Variants in DOCK1 observed in about 807,000 individuals in gnomAD.
DOCK1 encodes the protein dedicator of cytokinesis protein 1.
In DOCK1, 138 loss-of-function variants were observed where a neutral mutation model predicts 262.7. That is an observed-to-expected ratio of 0.53 (90% CI 0.46 to 0.61). The LOEUF (loss-of-function observed/expected upper bound fraction) is 0.61. DOCK1 is among the 20% of genes least tolerant of loss of function. DOCK1 has a pLI of 0.00. For missense variants in DOCK1, 1,908 were observed against 2,370.7 expected (o/e 0.80, Z 4.05); for synonymous variants, 866 against 867.4 (o/e 1.00, Z 0.03).
intron 42 of DOCK1, 37 bp downstream of exon 42, chr10:127,409,428 G>A: frequency 6.2e-7 from 1 of 1,601,146 alleles, no homozygotes; most frequent in Non-Finnish European, 8.6e-7. Context: ...CGTGAGGGTT[G>A]TAAGAGGCTG....
At chr10:127,070,925 G>T (rs1435166185) in intron 23 of DOCK1, among the ~76,000 whole-genome samples, 2 of 152,012 alleles carry the variant, frequency 1.3e-5, no homozygotes, top group Admixed American at 6.6e-5. Context: ...GTGTTTGTGG[G>T]TAGGGCACCT....
chr10:127,024,027 G>C (rs1457029417), intron 14 of DOCK1, among the ~76,000 whole-genome samples: 2 of 152,132 alleles, frequency 1.3e-5, no homozygotes, highest in Non-Finnish European at 2.9e-5. Flanking sequence ...CAGCCTGCAG[G>C]GTCCACCTGG....
At chr10:127,448,482 A>G (rs2070736948) in intron 51 of DOCK1, among the ~76,000 whole-genome samples, 1 of 152,184 alleles carries the variant, frequency 6.6e-6, no homozygotes, top group Non-Finnish European at 1.5e-5. Flanking sequence ...TGCGGGTCCC[A>G]GCCCCATCCT....
At chr10:127,403,194 G>A (rs1266048504) in intron 39 of DOCK1, 50 bp downstream of exon 39, 8 of 1,529,924 alleles carry the variant, frequency 5.2e-6, no homozygotes, top group African/African-American at 1.4e-5. Flanking sequence ...ATCTCAGCTG[G>A]TTTTTCAGGA....
chr10:127,283,837 G>A (rs1470551616), intron 29 of DOCK1, among the ~76,000 whole-genome samples: 1 of 152,194 alleles, frequency 6.6e-6, no homozygotes, highest in East Asian at 1.9e-4. Context: ...TAACATTGTA[G>A]TGAGTGTCTT....
intron 27 of DOCK1, among the ~76,000 whole-genome samples, chr10:127,165,574 G>A (rs780057136): frequency 4.1e-4 from 62 of 152,070 alleles, no homozygotes; most frequent in Non-Finnish European, 7.5e-4. Context: ...CTATCTTTAA[G>A]GTTTATTTTT....
At chr10:127,050,776 C>G (rs4750901) in intron 21 of DOCK1, among the ~76,000 whole-genome samples, 95,401 of 151,608 alleles carry the variant, frequency 0.63, 30,555 homozygotes, top group South Asian at 0.72. Context: ...TTTGTCTGTA[C>G]TAGGCAGAAA....
At chr10:127,429,215 G>A (rs1591024042) in intron 47 of DOCK1, among the ~76,000 whole-genome samples, 2 of 152,068 alleles carry the variant, frequency 1.3e-5, no homozygotes, top group South Asian at 2.1e-4. Flanking sequence ...CCCGTCTAGG[G>A]GGTGGGAGGC....
chr10:127,039,021 G>A (rs148589421), intron 19 of DOCK1, among the ~76,000 whole-genome samples: 1 of 152,138 alleles, frequency 6.6e-6, no homozygotes, highest in Non-Finnish European at 1.5e-5. Flanking sequence ...TCTAGGAGAG[G>A]TGATTGCAGA....
intron 18 of DOCK1, among the ~76,000 whole-genome samples, chr10:127,035,586 T>G (rs558636720): frequency 1.3e-4 from 20 of 152,272 alleles, no homozygotes; most frequent in African/African-American, 4.8e-4. Context: ...ATGAAGGGGA[T>G]CCAGATTATT....
At chr10:126,984,192 T>G (rs916648325) in intron 4 of DOCK1, among the ~76,000 whole-genome samples, 18 of 152,254 alleles carry the variant, frequency 1.2e-4, no homozygotes, top group African/African-American at 4.3e-4. Flanking sequence ...TGGGTGATGC[T>G]CACATCGGGA....
At chr10:127,294,554 T>G (rs1049293875) in intron 29 of DOCK1, among the ~76,000 whole-genome samples, 2 of 152,214 alleles carry the variant, frequency 1.3e-5, no homozygotes, top group Middle Eastern at 3.4e-3. Context: ...ACTCCTGACC[T>G]CAGGTGATCC....
intron 32 of DOCK1, among the ~76,000 whole-genome samples, chr10:127,355,766 T>G (rs960139902): frequency 3.9e-5 from 6 of 152,230 alleles, no homozygotes; most frequent in Non-Finnish European, 7.3e-5. Context: ...GCCTGCTTAC[T>G]TCCCAAGCAG....
intron 29 of DOCK1, among the ~76,000 whole-genome samples, chr10:127,302,729 T>C (rs1396044489): frequency 5.4e-5 from 8 of 148,366 alleles, no homozygotes; most frequent in African/African-American, 2.0e-4. Context: ...TTCCTAACTC[T>C]GGAAAAGAGG....
At chr10:127,045,355 G>A (rs879917607) in intron 21 of DOCK1, among the ~76,000 whole-genome samples, 11 of 152,188 alleles carry the variant, frequency 7.2e-5, no homozygotes, top group African/African-American at 2.7e-4. Flanking sequence ...TTGCATGTCT[G>A]CACCTTGAAA....
chr10:127,285,525 T>C (rs2061118462), intron 29 of DOCK1, among the ~76,000 whole-genome samples: 1 of 152,222 alleles, frequency 6.6e-6, no homozygotes, highest in Admixed American at 6.5e-5. Context: ...GGGCTGATAC[T>C]TCACAGGCTG....
chr10:126,928,377 G>A (rs1018461231), intron 1 of DOCK1, among the ~76,000 whole-genome samples: 4 of 152,192 alleles, frequency 2.6e-5, no homozygotes, highest in South Asian at 2.1e-4. Flanking sequence ...AGCCTGACTC[G>A]TAAACTTGCT....
chr10:127,164,960 T>G (rs1243168604), intron 27 of DOCK1, among the ~76,000 whole-genome samples: 2 of 152,248 alleles, frequency 1.3e-5, no homozygotes, highest in African/African-American at 2.4e-5. Context: ...GTTGATTAAC[T>G]TATTTTCCTG....
chr10:127,118,677 A>T (rs2049339470), intron 25 of DOCK1, among the ~76,000 whole-genome samples: 1 of 152,096 alleles, frequency 6.6e-6, no homozygotes, highest in Non-Finnish European at 1.5e-5. Flanking sequence ...GATACTGAAT[A>T]CCTCAAGAGT....
Sources: allele counts gnomAD v4.1 joint callset (sites outside exome capture counted in the v4.1 genomes callset), GRCh38; gene constraint gnomAD v4.1.1; transcripts MANE v1.5; gene names NCBI Gene and HGNC (gene_info 2026-07-23, HGNC 2026-07-21).